FGF14: variants seen among roughly 807,000 people sequenced by gnomAD.
The protein encoded by FGF14 is fibroblast growth factor homologous factor 4.
In FGF14, 5 loss-of-function variants were observed where a neutral mutation model predicts 25.5. The ratio of observed to expected loss-of-function variants is 0.20; its 90% CI spans 0.10 to 0.41. The LOEUF is 0.41. FGF14 is among the 10% of genes least tolerant of loss of function. FGF14 has a pLI of 1.00. For missense variants in FGF14, 222 were observed against 320.1 expected (o/e 0.69, Z 2.34); for synonymous variants, 138 against 118.3 (o/e 1.17, Z -1.08).
intron 3 of FGF14, among the ~76,000 whole-genome samples, chr13:101,728,424 T>C (rs1010319721): frequency 6.6e-6 from 1 of 152,142 alleles, no homozygotes; most frequent in Non-Finnish European, 1.5e-5. Flanking sequence ...TGCATCTCCA[T>C]ATATCCTCCA....
chr13:101,954,174 TA>T (rs1419934351), intron 1 of FGF14, among the ~76,000 whole-genome samples: 8 of 152,046 alleles, frequency 5.3e-5, no homozygotes, highest in African/African-American at 1.9e-4. Context: ...ATGCGTCAAC[TA>T]ATCACCAGAG....
intron 1 of FGF14, among the ~76,000 whole-genome samples, chr13:102,386,567 G>T (rs1325593093): frequency 6.6e-6 from 1 of 152,216 alleles, no homozygotes; most frequent in Non-Finnish European, 1.5e-5. Context: ...CTGTTATCAA[G>T]ATACGCTGAC....
At chr13:102,122,017 C>T (rs1356017363) in intron 1 of FGF14, among the ~76,000 whole-genome samples, 1 of 152,116 alleles carries the variant, frequency 6.6e-6, no homozygotes, top group Non-Finnish European at 1.5e-5. Context: ...AAATAAGAAA[C>T]CATCAATGAT....
intron 1 of FGF14, among the ~76,000 whole-genome samples, chr13:102,133,891 C>T (rs892090645): frequency 6.6e-6 from 1 of 152,160 alleles, no homozygotes; most frequent in Non-Finnish European, 1.5e-5. Flanking sequence ...TGTTTCTTCC[C>T]TGCTGTTTCT....
At chr13:102,341,465 A>T (rs2056949648) in intron 1 of FGF14, among the ~76,000 whole-genome samples, 1 of 152,150 alleles carries the variant, frequency 6.6e-6, no homozygotes, top group African/African-American at 2.4e-5. Flanking sequence ...GCAGGCTTTG[A>T]AGAATACAAA....
At position 101,714,582 on chromosome 13, in the gene FGF14, T is replaced by C. The variant is rs763648529; in HGVS notation, c.*8249A>G. 2 of 1,283,542 alleles carry C rather than the reference T, an allele frequency of 1.6e-6. No individual in the cohort carries two copies. The highest frequency in any genetic ancestry group is 2.3e-5 in the East Asian group (1 of 43,174). The allele number at this position is 1,283,542 out of a possible 1,614,324, so 79.5% of individuals were successfully genotyped here. ...GTATTAACCTTTTCTAATTGCTCTATGCCACAGTTTGTTATAGAGCCAAGA... is the reference window on the plus strand; with the variant it reads ...GTATTAACCTTTTCTAATTGCTCTACGCCACAGTTTGTTATAGAGCCAAGA... On this transcript the variant is annotated 3_prime_UTR_variant, in exon 5 of 5. Coordinates refer to ENST00000376143, the MANE Select transcript of FGF14 (RefSeq NM_004115.4).
At chr13:102,396,470 G>A (rs1423632329) in intron 1 of FGF14, among the ~76,000 whole-genome samples, 1 of 152,172 alleles carries the variant, frequency 6.6e-6, no homozygotes, top group African/African-American at 2.4e-5. Flanking sequence ...ATGTGCAAAG[G>A]AGTGAAAACA....
chr13:102,048,775 T>C (rs926487787), intron 1 of FGF14, among the ~76,000 whole-genome samples: 10 of 152,164 alleles, frequency 6.6e-5, no homozygotes, highest in Middle Eastern at 3.2e-3. Flanking sequence ...TGTGCCCAAT[T>C]CCAGAACCGA....
At chr13:102,062,971 T>C (rs981166514) in intron 1 of FGF14, among the ~76,000 whole-genome samples, 2 of 152,220 alleles carry the variant, frequency 1.3e-5, no homozygotes, top group African/African-American at 4.8e-5. Context: ...AGTAAAAATA[T>C]GTTCTCTGCT....
chr13:102,017,564 CA>C (rs970806686), intron 1 of FGF14, among the ~76,000 whole-genome samples: 1 of 151,724 alleles, frequency 6.6e-6, no homozygotes, highest in Non-Finnish European at 1.5e-5. Context: ...ATTAGAATTC[CA>C]AAATTTCACC....
chr13:101,905,106 C>G (rs2032069788), intron 1 of FGF14, among the ~76,000 whole-genome samples: 1 of 152,146 alleles, frequency 6.6e-6, no homozygotes, highest in South Asian at 2.1e-4. Flanking sequence ...TTGTCCCATG[C>G]ATTGAACAGA....
chr13:101,986,425 A>C (rs2038582443), intron 1 of FGF14, among the ~76,000 whole-genome samples: 1 of 152,150 alleles, frequency 6.6e-6, no homozygotes, highest in Admixed American at 6.6e-5. Flanking sequence ...AGTTGTGAAT[A>C]TCTCTCCATT....
intron 1 of FGF14, among the ~76,000 whole-genome samples, chr13:101,948,752 G>C (rs898969281): frequency 6.6e-6 from 1 of 152,034 alleles, no homozygotes; most frequent in African/African-American, 2.4e-5. Flanking sequence ...AAGGAAGTTT[G>C]GCACAGAATG....
chr13:102,234,282 C>T lies in FGF14; in HGVS notation c.208+167189G>A, dbSNP rs919827307. ...CACTTAAATGTGAAGGTACTTAATACCATGGAAATATACACTTAAATGTGA... is the reference window on the plus strand; with the variant it reads ...CACTTAAATGTGAAGGTACTTAATATCATGGAAATATACACTTAAATGTGA... On this transcript the variant is annotated intron_variant, in intron 1 of 4. Coordinates refer to the FGF14 transcript ENST00000376131. Among the ~76,000 whole-genome samples, 6 of 137,312 alleles carry T rather than the reference C, an allele frequency of 4.4e-5. 1 individual carries two copies. The highest frequency in any genetic ancestry group is 9.3e-5 in the Non-Finnish European group (6 of 64,700). The allele number at this position is 137,312 out of a possible 152,430, so 90.1% of individuals were successfully genotyped here.
At chr13:102,027,794 G>A (rs898071822) in intron 1 of FGF14, among the ~76,000 whole-genome samples, 1 of 151,884 alleles carries the variant, frequency 6.6e-6, no homozygotes, top group East Asian at 1.9e-4. Context: ...GGGGCTGATG[G>A]GTTATCCTGT....
At chr13:102,218,678 C>T (rs2050480867) in intron 1 of FGF14, among the ~76,000 whole-genome samples, 1 of 151,980 alleles carries the variant, frequency 6.6e-6, no homozygotes, top group South Asian at 2.1e-4. Flanking sequence ...TAATCTTTTT[C>T]TTTTCGCCTG....
intron 3 of FGF14, among the ~76,000 whole-genome samples, chr13:101,804,504 T>C (rs371974742): frequency 3.2e-4 from 48 of 152,168 alleles, no homozygotes; most frequent in African/African-American, 1.1e-3. Flanking sequence ...AGATTTTCCA[T>C]GCCTCATGGG....
chr13:101,745,362 A>G (rs1039253797), intron 3 of FGF14, among the ~76,000 whole-genome samples: 1 of 151,946 alleles, frequency 6.6e-6, no homozygotes, highest in Non-Finnish European at 1.5e-5. Context: ...CATTATCATC[A>G]CTCAAAGTAC....
At chr13:102,104,509 C>G (rs1026497724) in intron 1 of FGF14, among the ~76,000 whole-genome samples, 1 of 152,210 alleles carries the variant, frequency 6.6e-6, no homozygotes, top group African/African-American at 2.4e-5. Flanking sequence ...GGCACAGTGT[C>G]TCTTGCCTGT....
Sources: gnomAD v4.1 joint callset for allele counts (sites outside exome capture counted in the v4.1 genomes callset) on GRCh38, gnomAD v4.1.1 for gene constraint, MANE v1.5 for transcripts, NCBI Gene and HGNC (gene_info 2026-07-23, HGNC 2026-07-21) for gene names.